IMMP2L: variants seen among roughly 807,000 people sequenced by gnomAD.
The protein encoded by IMMP2L is inner mitochondrial membrane peptidase subunit 2, also known as mitochondrial inner membrane protease subunit 2.
In IMMP2L, 18 loss-of-function variants were observed where a neutral mutation model predicts 19.3. The observed-to-expected ratio is 0.93, with a 90% CI of 0.64 to 1.38. IMMP2L has a LOEUF of 1.38. IMMP2L is among the 40% of genes most tolerant of loss of function. The pLI is 0.00. For missense variants in IMMP2L, 233 were observed against 218.2 expected (o/e 1.07, Z -0.43); for synonymous variants, 76 against 73.0 (o/e 1.04, Z -0.21).
rs920820700 is a variant in IMMP2L, at chr7:111,111,408, C to A, written c.240-147843G>T. ...CAAATTACACTGCTTTCCATCCCCCCCCAAAAAAAAATGGCCCGTTAGTAT... is the reference window on the plus strand; with the variant it reads ...CAAATTACACTGCTTTCCATCCCCCACCAAAAAAAAATGGCCCGTTAGTAT... On this transcript the variant is annotated intron_variant, in intron 3 of 5. Transcript: ENST00000405709. 3.3e-5 allele frequency among the ~76,000 whole-genome samples: 5 copies of A among 151,114 alleles called. No homozygotes were observed. The East Asian group carries it at 5.8e-4, about 18-fold the overall frequency.
At chr7:110,882,112 C>A (rs1261865407) in intron 5 of IMMP2L, among the ~76,000 whole-genome samples, 1 of 152,086 alleles carries the variant, frequency 6.6e-6, no homozygotes, top group African/African-American at 2.4e-5. Flanking sequence ...CTCTTACCTG[C>A]CCCTTCTAGG....
chr7:110,938,532 C>G (rs1816361363), intron 4 of IMMP2L, among the ~76,000 whole-genome samples: 1 of 152,104 alleles, frequency 6.6e-6, no homozygotes, highest in African/African-American at 2.4e-5. Flanking sequence ...CAAACATACC[C>G]TCCAAAACTA....
chr7:111,049,122 TTTTTTTTTTTTTTC>T lies in IMMP2L; in HGVS notation c.240-85571_240-85558del, dbSNP rs1018983731. Among the ~76,000 whole-genome samples the T allele has an allele frequency of 2.9e-3, 48 of 16,770 alleles. No individual in the cohort carries two copies. In the East Asian group the frequency reaches 0.054, roughly 19 times the overall value. 11.0% of individuals were successfully genotyped at this position (16,770 alleles called of 152,430 possible). ...GCATTGATTTTTATGATACTTCTTTTTTTTTTTTTTTTTCTTTTTTTTTTTTGGGACGGAGTCTC... is the reference window on the plus strand; with the variant it reads ...GCATTGATTTTTATGATACTTCTTTTTTTTTTTTTTTTGGGACGGAGTCTC... On this transcript the variant is annotated intron_variant, in intron 3 of 5. Coordinates refer to ENST00000405709, the MANE Select transcript of IMMP2L (RefSeq NM_032549.4).
At chr7:111,480,225 A>G (rs991840624) in intron 3 of IMMP2L, among the ~76,000 whole-genome samples, 1 of 151,472 alleles carries the variant, frequency 6.6e-6, no homozygotes, top group Non-Finnish European at 1.5e-5. Flanking sequence ...CTGGGACTAC[A>G]GGCGCCCACC....
chr7:111,241,893 T>A (rs1315869364), intron 3 of IMMP2L, among the ~76,000 whole-genome samples: 1 of 151,936 alleles, frequency 6.6e-6, no homozygotes, highest in African/African-American at 2.4e-5. Context: ...TATTTGCAGG[T>A]ATTGCTACGG....
chr7:111,030,894 A>G (rs1414330531), intron 3 of IMMP2L, among the ~76,000 whole-genome samples: 3,669 of 18,720 alleles, frequency 0.2, 78 homozygotes, highest in Middle Eastern at 0.29. Context: ...GTATATATAT[A>G]TATATATATA....
intron 5 of IMMP2L, among the ~76,000 whole-genome samples, chr7:110,835,592 A>T (rs1804372831): frequency 6.6e-6 from 1 of 152,102 alleles, no homozygotes; most frequent in Non-Finnish European, 1.5e-5. Flanking sequence ...CATTTCTCCA[A>T]ACTAAAATAC....
intron 3 of IMMP2L, among the ~76,000 whole-genome samples, chr7:111,463,692 A>C (rs1352748345): frequency 2.6e-5 from 4 of 152,088 alleles, no homozygotes; most frequent in Non-Finnish European, 4.4e-5. Context: ...CTATGATGAC[A>C]TCCCACTGTT....
intron 3 of IMMP2L, among the ~76,000 whole-genome samples, chr7:111,342,428 C>G (rs1196709667): frequency 6.6e-6 from 1 of 151,856 alleles, no homozygotes; most frequent in African/African-American, 2.4e-5. Context: ...CCTGTCTCTA[C>G]TAAAAATACA....
chr7:111,514,744 T>C (rs2132605994), intron 2 of IMMP2L, among the ~76,000 whole-genome samples: 1 of 152,188 alleles, frequency 6.6e-6, no homozygotes, highest in East Asian at 1.9e-4. Context: ...CCAATCTTGT[T>C]TCATCTGTAA....
chr7:111,260,272 T>G (rs760778145), intron 3 of IMMP2L, among the ~76,000 whole-genome samples: 2 of 152,190 alleles, frequency 1.3e-5, no homozygotes, highest in Non-Finnish European at 2.9e-5. Context: ...AGTAGTGCAT[T>G]GTGCTACAAT....
intron 3 of IMMP2L, among the ~76,000 whole-genome samples, chr7:111,136,482 T>C (rs1043745151): frequency 7.9e-5 from 12 of 152,214 alleles, no homozygotes; most frequent in Non-Finnish European, 1.5e-4. Context: ...CTGCAAGTTA[T>C]TGATTATGCT....
At chr7:111,150,012 A>G (rs1345663743) in intron 3 of IMMP2L, among the ~76,000 whole-genome samples, 1 of 152,008 alleles carries the variant, frequency 6.6e-6, no homozygotes, top group East Asian at 1.9e-4. Flanking sequence ...ACAAAATTCC[A>G]TTTTACTTTT....
At chr7:111,295,421 A>G (rs1821522399) in intron 3 of IMMP2L, among the ~76,000 whole-genome samples, 2 of 151,914 alleles carry the variant, frequency 1.3e-5, no homozygotes, top group Admixed American at 1.3e-4. Context: ...CTTCACACAT[A>G]GACTGTATAC....
chr7:111,165,418 A>G (rs1464465467), intron 3 of IMMP2L, among the ~76,000 whole-genome samples: 1 of 151,978 alleles, frequency 6.6e-6, no homozygotes, highest in African/African-American at 2.4e-5. Context: ...CCTGCTTTCA[A>G]TTCTTTTGGA....
intron 3 of IMMP2L, among the ~76,000 whole-genome samples, chr7:111,460,249 T>A (rs1840022209): frequency 6.6e-6 from 1 of 151,926 alleles, no homozygotes; most frequent in Non-Finnish European, 1.5e-5. Flanking sequence ...TCGAATTGAG[T>A]TTTTTAAGAA....
At chr7:110,913,488 A>C (rs898683402) in intron 4 of IMMP2L, among the ~76,000 whole-genome samples, 1 of 152,188 alleles carries the variant, frequency 6.6e-6, no homozygotes, top group Non-Finnish European at 1.5e-5. Context: ...AAAAAATCTG[A>C]TTAATAAATG....
intron 3 of IMMP2L, among the ~76,000 whole-genome samples, chr7:111,005,408 T>C (rs1824187574): frequency 6.6e-6 from 1 of 152,194 alleles, no homozygotes; most frequent in Non-Finnish European, 1.5e-5. Flanking sequence ...TTGACCTATA[T>C]GTAAACTTAA....
chr7:111,095,526 T>G (rs924709165), intron 3 of IMMP2L, among the ~76,000 whole-genome samples: 14 of 152,056 alleles, frequency 9.2e-5, no homozygotes, highest in Non-Finnish European at 1.9e-4. Flanking sequence ...AGCAACGATT[T>G]ATTAAGTATA....
Sources: allele counts gnomAD v4.1 joint callset (sites outside exome capture counted in the v4.1 genomes callset), GRCh38; gene constraint gnomAD v4.1.1; transcripts MANE v1.5; gene names NCBI Gene and HGNC (gene_info 2026-07-23, HGNC 2026-07-21).